Variants in RAB3IP observed in about 807,000 individuals in gnomAD.
RAB3IP encodes RAB3A interacting protein.
RAB3IP carries 36 observed loss-of-function variants against 59.1 expected under a neutral mutation model. The observed-to-expected ratio is 0.61, with a 90% confidence interval of 0.47 to 0.80. The LOEUF (loss-of-function observed/expected upper bound fraction) is 0.80, where lower values mean the gene tolerates loss of function less well. RAB3IP is among the 30% of genes least tolerant of loss of function. The pLI, the probability that RAB3IP is intolerant of heterozygous loss-of-function variation, is 0.00. For missense variants in RAB3IP, 511 were observed against 536.0 expected, an observed-to-expected ratio of 0.95 and a Z score of 0.46; for synonymous variants, 207 against 191.2, an observed-to-expected ratio of 1.08 and a Z score of -0.68.
intron 10 of RAB3IP, 32 bp downstream of exon 10, chr12:69,813,065 C>T: frequency 6.6e-7 from 1 of 1,507,630 alleles, no homozygotes; most frequent in Non-Finnish European, 9.1e-7. Flanking sequence ...TAAGTCTTTA[C>T]ATAAAAGTTC....
intron 3 of RAB3IP, among the ~76,000 whole-genome samples, chr12:69,770,051 A>G (rs1329731347): frequency 1.5e-5 from 2 of 134,260 alleles, no homozygotes; most frequent in African/African-American, 5.3e-5. Flanking sequence ...GCACAGTTAC[A>G]TATGATAAAA....
intron 3 of RAB3IP, 120 bp downstream of exon 3, chr12:69,756,783 C>A: frequency 1.2e-6 from 1 of 818,420 alleles, no homozygotes; most frequent in Non-Finnish European, 1.9e-6. Flanking sequence ...GTCACATATG[C>A]CCAGCCTCAG....
intron 1 of RAB3IP, among the ~76,000 whole-genome samples, chr12:69,748,281 A>G (rs1295713148): frequency 1.3e-5 from 2 of 152,106 alleles, no homozygotes; most frequent in Non-Finnish European, 2.9e-5. Context: ...TTTCCCATTA[A>G]TTCTGATTTC....
chr12:69,808,443 C>T (rs950556317), intron 8 of RAB3IP, among the ~76,000 whole-genome samples: 1 of 152,148 alleles, frequency 6.6e-6, no homozygotes, highest in Non-Finnish European at 1.5e-5. Flanking sequence ...TCCTGGATAT[C>T]TTTGTTAACT....
intron 6 of RAB3IP, among the ~76,000 whole-genome samples, chr12:69,797,876 G>C (rs576503516): frequency 6.1e-4 from 93 of 152,244 alleles, no homozygotes; most frequent in African/African-American, 1.9e-3. Flanking sequence ...TGGCTACATA[G>C]TATTCCATGG....
chr12:69,812,776 A>G lies in RAB3IP; in HGVS notation c.1131-2A>G. 1.3e-6 allele frequency: 2 copies of G among 1,589,582 alleles called. No homozygotes were observed. The highest frequency in any genetic ancestry group is 1.7e-6 in the Non-Finnish European group (2 of 1,166,920). ...AAACTGAAATTTATCATTATTTCAC[A>G]GAAAATGTGCTCTCACTGGCCAGAG... On this transcript the variant is annotated splice_acceptor_variant, in intron 8 of 10. Transcript: ENST00000247833. LOFTEE classifies it high-confidence loss of function.
intron 1 of RAB3IP, among the ~76,000 whole-genome samples, chr12:69,753,361 T>A (rs904585488): frequency 3.3e-5 from 5 of 152,218 alleles, no homozygotes; most frequent in Admixed American, 3.3e-4. Context: ...GTTTGGCATT[T>A]TTTTTATTTT....
chr12:69,756,940 G>A (rs1870332923), intron 3 of RAB3IP, among the ~76,000 whole-genome samples: 1 of 152,154 alleles, frequency 6.6e-6, no homozygotes, highest in South Asian at 2.1e-4. Context: ...TATCTGTAAT[G>A]CAGATTGAGT....
At position 69,794,739 on chromosome 12, in the gene RAB3IP, A is replaced by G. The variant is rs576789858; in HGVS notation, c.684+225A>G. Among the ~76,000 whole-genome samples the G allele has an allele frequency of 8.5e-5, 13 of 152,358 alleles. No homozygotes were observed. In the South Asian group the frequency reaches 2.1e-3, roughly 24 times the overall value. ...AATGATTTAAAACCTTGTAAATCAC[A>G]TGAATTATCCAAAGGATTATAGAAT... On this transcript the variant is annotated intron_variant, in intron 5 of 10. Transcript: ENST00000247833.
intron 3 of RAB3IP, among the ~76,000 whole-genome samples, chr12:69,762,338 G>C (rs1309487417): frequency 1.3e-5 from 2 of 152,190 alleles, no homozygotes; most frequent in Non-Finnish European, 2.9e-5. Flanking sequence ...CTCTACTCCA[G>C]ATCTGCTGAA....
At chr12:69,748,644 A>T (rs932990122) in intron 1 of RAB3IP, among the ~76,000 whole-genome samples, 1 of 152,236 alleles carries the variant, frequency 6.6e-6, no homozygotes, top group South Asian at 2.1e-4. Context: ...ATTCACCCAT[A>T]AGAATTTAAT....
chr12:69,790,396 TAATG>T (rs1349797862), intron 4 of RAB3IP, among the ~76,000 whole-genome samples: 3 of 152,064 alleles, frequency 2.0e-5, no homozygotes, highest in African/African-American at 7.3e-5. Context: ...ATAATACAGT[TAATG>T]AAGGGAATTA....
intron 3 of RAB3IP, among the ~76,000 whole-genome samples, chr12:69,763,299 T>G (rs1048529112): frequency 6.6e-6 from 1 of 152,138 alleles, no homozygotes; most frequent in Admixed American, 6.5e-5. Flanking sequence ...CTGGTGAAGC[T>G]CTCTTGGGCA....
At chr12:69,747,185 A>T (rs116618436) in intron 1 of RAB3IP, among the ~76,000 whole-genome samples, 244 of 152,328 alleles carry the variant, frequency 1.6e-3, no homozygotes, top group African/African-American at 5.0e-3. Context: ...AGAGATGATT[A>T]TAATAGTAAG....
intron 3 of RAB3IP, among the ~76,000 whole-genome samples, chr12:69,773,187 T>A (rs903123153): frequency 6.6e-6 from 1 of 152,136 alleles, no homozygotes; most frequent in Non-Finnish European, 1.5e-5. Context: ...CTTTTGTATG[T>A]TAACTTGCTT....
At position 69,795,364 on chromosome 12, in the gene RAB3IP, C is replaced by G. The variant is rs186835012; in HGVS notation, c.888+20C>G. 1.3e-6 allele frequency: 2 copies of G among 1,579,628 alleles called. No individual in the cohort carries two copies. Among genetic ancestry groups the G allele is most frequent in the African/African-American group, 2.7e-5 (2 of 74,242 alleles). On this transcript the variant is annotated intron_variant, in intron 6 of 10. Transcript: ENST00000247833. ...AAAGAGGTAACTCATCAAGGACTGTCCCCTCTGACTCTGTTGATACTTGTT... is the reference window on the plus strand; with the variant it reads ...AAAGAGGTAACTCATCAAGGACTGTGCCCTCTGACTCTGTTGATACTTGTT...
At chr12:69,803,740 G>T (rs1878768726) in intron 8 of RAB3IP, among the ~76,000 whole-genome samples, 1 of 151,912 alleles carries the variant, frequency 6.6e-6, no homozygotes, top group African/African-American at 2.4e-5. Context: ...GAGTGAGAAT[G>T]TGCGGTGTTT....
At chr12:69,803,383 C>A (rs1205986966) in intron 8 of RAB3IP, among the ~76,000 whole-genome samples, 1 of 151,958 alleles carries the variant, frequency 6.6e-6, no homozygotes, top group Non-Finnish European at 1.5e-5. Flanking sequence ...AAGATAATGA[C>A]TAAGTGAGTG....
chr12:69,806,486 T>C (rs1342423977), intron 8 of RAB3IP, among the ~76,000 whole-genome samples: 1 of 151,982 alleles, frequency 6.6e-6, no homozygotes, highest in Non-Finnish European at 1.5e-5. Flanking sequence ...GTTTTTTGCG[T>C]CTCTATTTCC....
Sources: allele counts gnomAD v4.1 joint callset (sites outside exome capture counted in the v4.1 genomes callset), GRCh38; gene constraint gnomAD v4.1.1; transcripts MANE v1.5; gene names NCBI Gene and HGNC (gene_info 2026-07-23, HGNC 2026-07-21).